Variants in DLGAP1 observed in about 807,000 individuals in gnomAD.
DLGAP1 encodes the protein disks large-associated protein 1.
A neutral mutation model predicts 90.8 loss-of-function variants in DLGAP1; 11 were observed. The ratio of observed to expected loss-of-function variants is 0.12; its 90% CI spans 0.08 to 0.20. DLGAP1 has a LOEUF of 0.20. Among genes scored for constraint, DLGAP1 ranks in the 10% least tolerant of loss-of-function variants. The pLI, the probability that DLGAP1 is intolerant of heterozygous loss-of-function variation, is 1.00. For synonymous variants in DLGAP1, 558 were observed against 540.7 expected, an observed-to-expected ratio of 1.03 and a Z score of -0.44; for missense variants, 1,050 against 1,333.8, an observed-to-expected ratio of 0.79 and a Z score of 3.31.
rs1302676773 is a variant in DLGAP1, at chr18:3,749,135, C to CCTT, written c.1173-6626_1173-6624dup. The stretch of plus-strand genomic sequence containing the variant: ...TCCTCCTCCTCCTCTTCCTCCTCCT[C>CCTT]CTTCTTCTTCTTCTTTTTTTTTTTT... On this transcript the variant is annotated intron_variant, in intron 5 of 12. Transcript: ENST00000315677. Among the ~76,000 whole-genome samples, 444 of 148,982 alleles carry CCTT rather than the reference C, an allele frequency of 3.0e-3. 7 individuals carry two copies. Among genetic ancestry groups the CCTT allele is most frequent in the African/African-American group, 0.01 (415 of 39,926 alleles).
intron 3 of DLGAP1, among the ~76,000 whole-genome samples, chr18:3,897,389 C>G (rs2071652705): frequency 6.6e-6 from 1 of 152,178 alleles, no homozygotes; most frequent in Non-Finnish European, 1.5e-5. Context: ...AGTAAAAGAG[C>G]TAACATTCAT....
chr18:4,062,187 T>C (rs867896131), intron 2 of DLGAP1, among the ~76,000 whole-genome samples: 1 of 152,176 alleles, frequency 6.6e-6, no homozygotes, highest in South Asian at 2.1e-4. Flanking sequence ...TATTTGTGAG[T>C]ATTCTTAACT....
intron 1 of DLGAP1, among the ~76,000 whole-genome samples, chr18:4,282,570 C>T (rs1163219302): frequency 6.6e-6 from 1 of 152,052 alleles, no homozygotes; most frequent in African/African-American, 2.4e-5. Context: ...GCAAGTAATA[C>T]ATCTGATGTA....
chr18:3,795,285 A>G (rs1336310687), intron 5 of DLGAP1, among the ~76,000 whole-genome samples: 1 of 152,068 alleles, frequency 6.6e-6, no homozygotes, highest in East Asian at 1.9e-4. Context: ...ATTTAAAAAT[A>G]TATTTTCTCC....
intron 2 of DLGAP1, among the ~76,000 whole-genome samples, chr18:4,008,459 G>T (rs961697938): frequency 1.3e-5 from 2 of 152,130 alleles, no homozygotes; most frequent in African/African-American, 4.8e-5. Context: ...GCTTAGCAAA[G>T]GCTCTGTACA....
intron 5 of DLGAP1, among the ~76,000 whole-genome samples, chr18:3,789,330 G>A (rs948466071): frequency 2.0e-5 from 3 of 152,218 alleles, no homozygotes; most frequent in Non-Finnish European, 4.4e-5. Context: ...AGCATGAAAA[G>A]CCCCCTTGTG....
chr18:4,366,106 C>T (rs1384428006), intron 1 of DLGAP1, among the ~76,000 whole-genome samples: 2 of 151,998 alleles, frequency 1.3e-5, no homozygotes, highest in East Asian at 1.9e-4. Flanking sequence ...CAGTCAGGGG[C>T]AACATTCTGC....
chr18:3,579,108 T>G (rs1475882712), intron 8 of DLGAP1, among the ~76,000 whole-genome samples: 3 of 152,188 alleles, frequency 2.0e-5, no homozygotes, highest in African/African-American at 7.2e-5. Flanking sequence ...AGGTTATAGT[T>G]TGGTGGGTGC....
intron 5 of DLGAP1, among the ~76,000 whole-genome samples, chr18:3,800,709 T>G (rs1425562030): frequency 6.6e-6 from 1 of 151,952 alleles, no homozygotes; most frequent in East Asian, 1.9e-4. Flanking sequence ...GTGTTAAAAT[T>G]TTTATGAGTA....
At chr18:3,558,845 A>G (rs2053910247) in intron 9 of DLGAP1, among the ~76,000 whole-genome samples, 3 of 152,208 alleles carry the variant, frequency 2.0e-5, no homozygotes, top group Non-Finnish European at 4.4e-5. Context: ...TTAATGATAT[A>G]TGTAAAATAC....
intron 7 of DLGAP1, among the ~76,000 whole-genome samples, chr18:3,595,916 T>A (rs930579333): frequency 2.0e-5 from 3 of 152,248 alleles, no homozygotes; most frequent in African/African-American, 7.2e-5. Context: ...TCAACATTTT[T>A]AACAATGTGT....
chr18:4,073,232 AG>A (rs2075475320), intron 2 of DLGAP1, among the ~76,000 whole-genome samples: 1 of 152,196 alleles, frequency 6.6e-6, no homozygotes, highest in East Asian at 1.9e-4. Context: ...CTGAGTAACC[AG>A]GCTCTTAACT....
chr18:4,331,662 C>T (rs2080956014), intron 1 of DLGAP1, among the ~76,000 whole-genome samples: 1 of 151,874 alleles, frequency 6.6e-6, no homozygotes, highest in East Asian at 1.9e-4. Flanking sequence ...TGACTGGCGC[C>T]CTGCTTCCTC....
chr18:3,937,684 A>G (rs1407716329), intron 3 of DLGAP1, among the ~76,000 whole-genome samples: 1 of 152,248 alleles, frequency 6.6e-6, no homozygotes, highest in Non-Finnish European at 1.5e-5. Context: ...AAAGTAGCTG[A>G]GTTTATCACA....
chr18:3,744,226 A>T (rs1010066276), intron 5 of DLGAP1, among the ~76,000 whole-genome samples: 1 of 152,222 alleles, frequency 6.6e-6, no homozygotes, highest in African/African-American at 2.4e-5. Flanking sequence ...AGAGAAAATC[A>T]TCTGAAAAAC....
intron 2 of DLGAP1, among the ~76,000 whole-genome samples, chr18:4,087,360 C>T (rs1183406981): frequency 6.6e-6 from 1 of 152,086 alleles, no homozygotes; most frequent in Non-Finnish European, 1.5e-5. Flanking sequence ...CAAGGAACAC[C>T]TGGCCCACCC....
intron 3 of DLGAP1, among the ~76,000 whole-genome samples, chr18:3,924,517 C>G (rs2072337228): frequency 6.6e-6 from 1 of 152,156 alleles, no homozygotes; most frequent in Admixed American, 6.5e-5. Flanking sequence ...ACACAAATCT[C>G]AAGTTTTGGG....
chr18:3,838,640 A>C (rs1468856791), intron 4 of DLGAP1, among the ~76,000 whole-genome samples: 3 of 152,220 alleles, frequency 2.0e-5, no homozygotes, highest in Non-Finnish European at 4.4e-5. Context: ...TTAGTGATAT[A>C]TTTAATTCAT....
intron 5 of DLGAP1, among the ~76,000 whole-genome samples, chr18:3,746,474 G>T (rs888090652): frequency 2.6e-5 from 4 of 152,118 alleles, no homozygotes; most frequent in African/African-American, 9.7e-5. Flanking sequence ...GGAAGTACAT[G>T]AAAATTTAAA....
Sources: allele counts gnomAD v4.1 joint callset (sites outside exome capture counted in the v4.1 genomes callset), GRCh38; gene constraint gnomAD v4.1.1; transcripts MANE v1.5; gene names NCBI Gene and HGNC (gene_info 2026-07-23, HGNC 2026-07-21).